The following TARS3 variants were observed in gnomAD, a reference collection of about 807,000 sequenced individuals.
TARS3 encodes threonyl-tRNA synthetase 3, also known as threonine--tRNA ligase 2, cytoplasmic.
TARS3 carries 94 observed loss-of-function variants against 103.5 expected under a neutral mutation model. That is an observed-to-expected ratio of 0.91 (90% CI 0.77 to 1.08). The LOEUF is 1.08. TARS3 is among the 50% of genes least tolerant of loss of function. The pLI is 0.00. For synonymous variants in TARS3, 416 were observed against 355.4 expected (o/e 1.17, Z -1.92); for missense variants, 952 against 995.2 (o/e 0.96, Z 0.58).
chr15:101,676,818 T>TA (rs1898047064), intron 12 of TARS3, among the ~76,000 whole-genome samples: 1 of 148,920 alleles, frequency 6.7e-6, no homozygotes, highest in Non-Finnish European at 1.5e-5. Context: ...TTTTTTTTTT[T>TA]AAGTTCCTGG....
chr15:101,659,715 C>A (rs1897309364), intron 16 of TARS3, among the ~76,000 whole-genome samples: 1 of 152,158 alleles, frequency 6.6e-6, no homozygotes, highest in South Asian at 2.1e-4. Context: ...TTAAAACCAA[C>A]TGGAAAGAAA....
Position 101,711,888 on chromosome 15 carries a change from A to G in TARS3, c.804T>C (p.Ile268=). 6.2e-7 allele frequency: 1 copy of G among 1,613,826 alleles called. No individual in the cohort carries two copies. The highest frequency in any genetic ancestry group is 1.1e-5 in the South Asian group (1 of 91,050). ...AGTATTCAGTGTGTTACCTGTCTTC[A>G]ATGAACATGTCATAATAAAATCCAT... ...IENGFYYDMF[I]EDRAVSSTEL... The change falls in exon 5 of 19, where the codon ATT becomes ATC. Residue 268 remains isoleucine (I), a synonymous_variant. Transcript: ENST00000335968.
intron 12 of TARS3, among the ~76,000 whole-genome samples, chr15:101,679,309 G>A (rs1898159766): frequency 6.6e-6 from 1 of 152,006 alleles, no homozygotes; most frequent in Non-Finnish European, 1.5e-5. Context: ...CTCAGGCTCT[G>A]TTCTTTTCTC....
At chr15:101,715,350 T>G (rs936771229) in intron 3 of TARS3, among the ~76,000 whole-genome samples, 69 of 151,814 alleles carry the variant, frequency 4.5e-4, no homozygotes, top group African/African-American at 1.6e-3. Flanking sequence ...GTTTCACCGT[T>G]TTAGCCGGGA....
chr15:101,715,897 G>A (rs551444933), intron 3 of TARS3, among the ~76,000 whole-genome samples: 3 of 152,034 alleles, frequency 2.0e-5, no homozygotes, highest in East Asian at 1.9e-4. Flanking sequence ...TCACTTCCAC[G>A]TACCCCGATT....
Position 101,701,196 on chromosome 15 carries a change from C to A in TARS3, c.1222-12G>T. On this transcript the variant is annotated splice_polypyrimidine_tract_variant and intron_variant, in intron 9 of 18. Transcript: ENST00000335968. Reference sequence around the variant, plus strand: ...AAAAGTTCTTGTTCCTAGATTGAAACAAAAATTGCATTTCAAATGTCATCT... The same window carrying A: ...AAAAGTTCTTGTTCCTAGATTGAAAAAAAAATTGCATTTCAAATGTCATCT... 1.3e-6 allele frequency: 2 copies of A among 1,547,298 alleles called. No homozygotes were observed. The highest frequency in any genetic ancestry group is 1.8e-6 in the Non-Finnish European group (2 of 1,141,658).
At position 101,723,096 on chromosome 15, in the gene TARS3, G is replaced by T; in HGVS notation, c.366C>A (p.Ser122Arg). Residue 122 changes from serine (S) to arginine (R), a missense_variant, in exon 2 of 19, where the codon AGC (serine) becomes AGA (arginine). This residue lies in a region of TARS3 where 412 missense variants were observed against 364.2 expected (regional missense o/e 1.13). Transcript: ENST00000335968. The stretch of plus-strand genomic sequence containing the variant: ...TGTTTCCACAGCAACAACTTACCTC[G>T]CTGTCAGCCTCGCTTTCCTTCATTT... ...KKKMKESEAD[S>R]EVKHQPIFIK... is the part of the protein sequence containing the mutation. 4 of 1,613,846 alleles carry T rather than the reference G, an allele frequency of 2.5e-6. No individual in the cohort carries two copies. Among genetic ancestry groups the T allele is most frequent in the Non-Finnish European group, 3.4e-6 (4 of 1,179,832 alleles).
rs1900582358 is a variant in TARS3, at chr15:101,723,255, C to T, written c.298-91G>A. ...GTCATGCCAGCAGGCTGCAAGTGCCCCGTGTTTAGAGGCTCATAGCTGGGC... is the reference window on the plus strand; with the variant it reads ...GTCATGCCAGCAGGCTGCAAGTGCCTCGTGTTTAGAGGCTCATAGCTGGGC... On this transcript the variant is annotated intron_variant, in intron 1 of 18. Coordinates refer to ENST00000335968, the MANE Select transcript of TARS3 (RefSeq NM_152334.3). 4 of 1,194,854 alleles carry T rather than the reference C, an allele frequency of 3.3e-6. 1 individual carries two copies. 74.0% of individuals were successfully genotyped at this position (1,194,854 alleles called of 1,614,324 possible).
intron 10 of TARS3, among the ~76,000 whole-genome samples, chr15:101,692,956 G>C (rs1305707120): frequency 1.3e-5 from 2 of 151,936 alleles, no homozygotes; most frequent in African/African-American, 2.4e-5. Context: ...AATTCCCCAA[G>C]TGGGTTATTA....
In TARS3 at chr15:101,701,088, G is replaced by T. The variant is rs983525726; in HGVS notation, c.1318C>A (p.Arg440=). Residue 440 remains arginine, a splice_region_variant and synonymous_variant, in exon 10 of 19, where the codon CGA becomes AGA. Coordinates refer to ENST00000335968, the MANE Select transcript of TARS3 (RefSeq NM_152334.3). The stretch of plus-strand genomic sequence containing the variant: ...AAAACATTTTAAAGTTAACTTACTC[G>T]TATGAAATCTGTAAGCGTATTATAA... ...FIYNTLTDFI[R]EEYHKRDFTE... The T allele has an allele frequency of 1.0e-5, 16 of 1,529,220 alleles. No individual in the cohort carries two copies. The highest frequency in any genetic ancestry group is 1.4e-5 in the Non-Finnish European group (16 of 1,136,866). 94.7% of individuals were successfully genotyped at this position (1,529,220 alleles called of 1,614,324 possible).
intron 9 of TARS3, among the ~76,000 whole-genome samples, chr15:101,701,807 A>C (rs1373107010): frequency 6.6e-6 from 1 of 151,760 alleles, no homozygotes; most frequent in Non-Finnish European, 1.5e-5. Context: ...ACTGAGTCTC[A>C]CTCTGTCGCC....
At chr15:101,677,553 C>T (rs2141398408) in intron 12 of TARS3, among the ~76,000 whole-genome samples, 1 of 151,180 alleles carries the variant, frequency 6.6e-6, no homozygotes, top group South Asian at 2.1e-4. Flanking sequence ...GGCTGCAGTG[C>T]AATGGCACAG....
Position 101,685,893 on chromosome 15 carries a change from C to T in TARS3, c.1487+3G>A, listed in dbSNP as rs778266126. The T allele has an allele frequency of 1.2e-6, 2 of 1,612,388 alleles. No individual in the cohort carries two copies. The highest frequency in any genetic ancestry group is 8.5e-7 in the Non-Finnish European group (1 of 1,178,926). ...AAAGGTCTGCTTCGCTTTTAATACT[C>T]ACCAGTGCCCTGGACAATTCATGGG... On this transcript the variant is annotated splice_donor_region_variant and intron_variant, in intron 11 of 18. Transcript: ENST00000335968.
intron 10 of TARS3, among the ~76,000 whole-genome samples, chr15:101,700,647 T>C (rs1383936324): frequency 1.3e-5 from 2 of 151,928 alleles, no homozygotes; most frequent in Non-Finnish European, 2.9e-5. Context: ...ACCTCACTTT[T>C]TTTTTTTTTT....
At chr15:101,659,543 G>A (rs1897302852) in intron 16 of TARS3, among the ~76,000 whole-genome samples, 3 of 152,108 alleles carry the variant, frequency 2.0e-5, no homozygotes, top group Admixed American at 2.0e-4. Context: ...GTATACTTCC[G>A]TCTCTGCGAC....
At chr15:101,706,088 G>A (rs1899545070) in intron 6 of TARS3, among the ~76,000 whole-genome samples, 1 of 152,174 alleles carries the variant, frequency 6.6e-6, no homozygotes, top group Non-Finnish European at 1.5e-5. Context: ...AGCCTCCCGT[G>A]TAGCTGGAAT....
intron 8 of TARS3, 33 bp from the exon 9 acceptor site, chr15:101,702,418 C>T (rs997125503): frequency 1.9e-6 from 3 of 1,578,020 alleles, no homozygotes; most frequent in Non-Finnish European, 2.6e-6. Context: ...GTAAATATAT[C>T]ATACATTCAG....
At chr15:101,715,936 A>G (rs1232159961) in intron 3 of TARS3, among the ~76,000 whole-genome samples, 1 of 152,186 alleles carries the variant, frequency 6.6e-6, no homozygotes, top group Non-Finnish European at 1.5e-5. Context: ...GTGACATTGA[A>G]AATTGTTGTT....
chr15:101,656,115 G>T (rs1049724451), intron 18 of TARS3: 19 of 1,198,474 alleles, frequency 1.6e-5, no homozygotes, highest in Non-Finnish European at 2.1e-5. Flanking sequence ...TCCTGGTGAG[G>T]GTTGAGCTCC....
Sources: gnomAD v4.1 joint callset for allele counts (sites outside exome capture counted in the v4.1 genomes callset) on GRCh38, gnomAD v4.1.1 for gene constraint, gnomAD v4.1.1 regional missense constraint, MANE v1.5 for transcripts, NCBI Gene and HGNC (gene_info 2026-07-23, HGNC 2026-07-21) for gene names.